LBP: variants seen among roughly 807,000 people sequenced by gnomAD.
LBP encodes lipopolysaccharide binding protein, also known as lipopolysaccharide-binding protein.
Under a neutral mutation model 56.6 loss-of-function variants are expected in LBP, and 53 were observed. That is an observed-to-expected ratio of 0.94 (90% confidence interval 0.75 to 1.18). The LOEUF (loss-of-function observed/expected upper bound fraction) is 1.18. LBP is among the 50% of genes most tolerant of loss of function. LBP has a pLI of 0.00. For missense variants in LBP, 601 were observed against 598.3 expected (o/e 1.00, Z -0.05); for synonymous variants, 227 against 247.5 (o/e 0.92, Z 0.78).
At chr20:38,354,062 C>T (rs1345618901) in intron 3 of LBP, among the ~76,000 whole-genome samples, 2 of 152,018 alleles carry the variant, frequency 1.3e-5, no homozygotes, top group Non-Finnish European at 2.9e-5. Flanking sequence ...TCCTTTATGG[C>T]TTATGAGACT....
intron 13 of LBP, 69 bp from the exon 14 acceptor site, chr20:38,373,868 T>G (rs2076908920): frequency 7.2e-7 from 1 of 1,380,826 alleles, no homozygotes; most frequent in South Asian, 1.2e-5. Flanking sequence ...GAGAACATTT[T>G]CGGTAAAAAT....
intron 8 of LBP, among the ~76,000 whole-genome samples, chr20:38,365,710 AAAAAAAAATATATATAT>A (rs2076878757): frequency 4.7e-5 from 2 of 42,788 alleles, no homozygotes; most frequent in Admixed American, 2.5e-4. Context: ...AAAAAAAAAA[AAAAAAAAATATATATAT>A]ATATATATAT....
chr20:38,347,550 A>G (rs1458293794), intron 1 of LBP, among the ~76,000 whole-genome samples: 1 of 152,226 alleles, frequency 6.6e-6, no homozygotes, highest in Admixed American at 6.5e-5. Context: ...TCAAAAAAAT[A>G]AATAAAAATA....
In LBP at chr20:38,360,709, C is replaced by A; in HGVS notation, c.594C>A (p.Cys198Ter). Residue 198 changes from cysteine to a stop codon, truncating the protein, a stop_gained, in exon 6 of 15, where the codon TGC becomes TGA. Coordinates refer to ENST00000217407, the MANE Select transcript of LBP (RefSeq NM_004139.5). LOFTEE classifies it high-confidence loss of function. Reference protein sequence around the residue: ...KFQKVLESRICEMIQKSVSSD... With the variant: ...KFQKVLESRI The stretch of plus-strand genomic sequence containing the variant: ...TCTCTTCCCATGTTTTTCAGATTTG[C>A]GAAATGATCCAGAAATCAGTGTCCT... 1 of 1,611,876 alleles carries A rather than the reference C, an allele frequency of 6.2e-7. No homozygotes were observed. Among genetic ancestry groups the A allele is most frequent in the Non-Finnish European group, 8.5e-7 (1 of 1,178,196 alleles).
intron 6 of LBP, among the ~76,000 whole-genome samples, chr20:38,362,949 A>G (rs1013841102): frequency 1.6e-4 from 25 of 152,208 alleles, no homozygotes; most frequent in African/African-American, 5.3e-4. Flanking sequence ...TCCTATCTCA[A>G]AAAGAAATGA....
intron 4 of LBP, 37 bp downstream of exon 4, chr20:38,354,476 G>T: frequency 6.3e-7 from 1 of 1,579,620 alleles, no homozygotes; most frequent in South Asian, 1.2e-5. Flanking sequence ...CTGGACTCCT[G>T]GTTGCAGCTC....
intron 14 of LBP, among the ~76,000 whole-genome samples, chr20:38,374,837 G>A (rs1444249022): frequency 6.9e-6 from 1 of 145,448 alleles, no homozygotes; most frequent in Non-Finnish European, 1.5e-5. Flanking sequence ...AGGCTGGAGT[G>A]CAGTGGTGCG....
At chr20:38,368,535 G>A (rs905605569) in intron 9 of LBP, among the ~76,000 whole-genome samples, 5 of 152,136 alleles carry the variant, frequency 3.3e-5, no homozygotes. Flanking sequence ...AGAGGCAGAG[G>A]TTGCAGTGAG....
At chr20:38,355,746 T>C (rs1600723996) in intron 5 of LBP, among the ~76,000 whole-genome samples, 1 of 152,174 alleles carries the variant, frequency 6.6e-6, no homozygotes, top group Non-Finnish European at 1.5e-5. Flanking sequence ...AAGGAAACCA[T>C]TCCTCAGGCG....
At chr20:38,359,327 T>A (rs2076851671) in intron 5 of LBP, among the ~76,000 whole-genome samples, 1 of 152,200 alleles carries the variant, frequency 6.6e-6, no homozygotes, top group Non-Finnish European at 1.5e-5. Flanking sequence ...ATGCCTGTAA[T>A]CCCAGCACTT....
In LBP at chr20:38,355,238, G is replaced by T. The variant is rs190214282; in HGVS notation, c.525-108G>T. ...GGACACAGCAGGGCGCCGGGAAGGGGTGGAGAGGGCTCCCTTTGTGGACTG... is the reference window on the plus strand; with the variant it reads ...GGACACAGCAGGGCGCCGGGAAGGGTTGGAGAGGGCTCCCTTTGTGGACTG... On this transcript the variant is annotated intron_variant, in intron 4 of 14. Coordinates refer to ENST00000217407, the MANE Select transcript of LBP (RefSeq NM_004139.5). 1.9e-3 allele frequency: 1,847 copies of T among 962,510 alleles called. 2 individuals are homozygous for T. Among genetic ancestry groups the T allele is most frequent in the Non-Finnish European group, 2.9e-3 (1,694 of 593,700 alleles). The allele number at this position is 962,510 out of a possible 1,614,324, so 59.6% of individuals were successfully genotyped here.
At position 38,349,636 on chromosome 20, in the gene LBP, C is replaced by T. The variant is rs745440839; in HGVS notation, c.213C>T (p.Val71=). ...DFTGDLRIPH[V]GRGRYEFHSL... is the part of the protein sequence containing the mutation. ...CCGGGGACTTGAGGATCCCCCACGT[C>T]GGCCGTGGGCGCTATGAGTTCCACA... The change falls in exon 2 of 15, where the codon GTC becomes GTT. Residue 71 remains valine (V), a synonymous_variant. Transcript: ENST00000217407. The T allele has an allele frequency of 1.2e-5, 19 of 1,608,488 alleles. No homozygotes were observed. The highest frequency in any genetic ancestry group is 1.4e-5 in the Non-Finnish European group (17 of 1,177,774).
intron 5 of LBP, among the ~76,000 whole-genome samples, chr20:38,359,198 GT>G (rs1390429776): frequency 2.0e-5 from 3 of 152,002 alleles, no homozygotes; most frequent in Non-Finnish European, 4.4e-5. Context: ...TTTTAGAGGG[GT>G]TTTTTTGTTT....
At chr20:38,359,136 G>T (rs186794013) in intron 5 of LBP, among the ~76,000 whole-genome samples, 1 of 152,002 alleles carries the variant, frequency 6.6e-6, no homozygotes, top group African/African-American at 2.4e-5. Flanking sequence ...TGATCTTTAT[G>T]ATTTTTTTTC....
chr20:38,351,774 A>C (rs1397840286), intron 3 of LBP, among the ~76,000 whole-genome samples: 1 of 152,116 alleles, frequency 6.6e-6, no homozygotes, highest in Non-Finnish European at 1.5e-5. Context: ...TAATCCCAGC[A>C]CTTTGGGAGG....
intron 6 of LBP, among the ~76,000 whole-genome samples, chr20:38,363,269 T>G (rs949759161): frequency 2.0e-5 from 3 of 152,240 alleles, no homozygotes; most frequent in Non-Finnish European, 4.4e-5. Context: ...CCAAAGTGGT[T>G]GTAACAGACC....
Position 38,373,132 on chromosome 20 carries a change from A to G in LBP, c.1321A>G (p.Asn441Asp). Residue 441 changes from asparagine to aspartate, a missense_variant, in exon 13 of 15, where the codon AAT (asparagine) becomes GAT (aspartate). Coordinates refer to ENST00000217407, the MANE Select transcript of LBP (RefSeq NM_004139.5). The part of the protein sequence containing the change: ...YILNTFYPKF[N>D]DKLAEGFPLP... ...CCTTAACACCTTCTACCCCAAGTTC[A>G]ATGGTAAGAATCACTGTGGATTTTT... The G allele has an allele frequency of 6.2e-7, 1 of 1,612,808 alleles. No individual in the cohort carries two copies. Among genetic ancestry groups the G allele is most frequent in the South Asian group, 1.1e-5 (1 of 91,054 alleles).
At chr20:38,362,475 C>A (rs2076864523) in intron 6 of LBP, among the ~76,000 whole-genome samples, 2 of 150,080 alleles carry the variant, frequency 1.3e-5, no homozygotes, top group Non-Finnish European at 3.0e-5. Context: ...TAGCCAGGTG[C>A]CGTGGTGGAT....
intron 5 of LBP, among the ~76,000 whole-genome samples, chr20:38,357,789 G>A (rs949991878): frequency 1.3e-5 from 2 of 152,208 alleles, no homozygotes; most frequent in Non-Finnish European, 2.9e-5. Flanking sequence ...CTGGAAAGGG[G>A]CGAGGACTTC....
Sources: allele counts gnomAD v4.1 joint callset (sites outside exome capture counted in the v4.1 genomes callset), GRCh38; gene constraint gnomAD v4.1.1; transcripts MANE v1.5; gene names NCBI Gene and HGNC (gene_info 2026-07-23, HGNC 2026-07-21).